HERC3: variants seen among roughly 807,000 people sequenced by gnomAD.
HERC3 encodes the protein HECT and RLD domain containing E3 ubiquitin protein ligase 3, also known as probable E3 ubiquitin-protein ligase HERC3.
A neutral mutation model predicts 129.9 loss-of-function variants in HERC3; 58 were observed. The observed-to-expected ratio is 0.45, with a 90% CI of 0.36 to 0.56. The LOEUF (loss-of-function observed/expected upper bound fraction) is 0.56. HERC3 is among the 20% of genes least tolerant of loss of function. The pLI is 0.00. For synonymous variants in HERC3, 430 were observed against 451.0 expected (o/e 0.95, Z 0.59); for missense variants, 835 against 1,244.2 (o/e 0.67, Z 4.95).
At chr4:88,680,982 T>C in intron 20 of HERC3, 177 bp from the exon 21 acceptor site, 14 of 979,550 alleles carry the variant, frequency 1.4e-5, no homozygotes, top group Non-Finnish European at 1.7e-5. Context: ...TCTGTCTACA[T>C]TGCATCTTTA....
chr4:88,538,658 C>T, the HERC3 span, among the ~76,000 whole-genome samples: 1 of 151,880 alleles, frequency 6.6e-6, no homozygotes, highest in African/African-American at 2.4e-5. Context: ...ATTCTCCTGC[C>T]TCAGCCTCCC....
chr4:88,577,156 G>A, the HERC3 span, among the ~76,000 whole-genome samples: 3 of 152,098 alleles, frequency 2.0e-5, no homozygotes, highest in African/African-American at 7.2e-5. Context: ...TCTAAGTTGT[G>A]GATTTGAGCT....
rs554226238 is a variant in HERC3, at chr4:88,626,405, G to C, written c.226+20356G>C. 3.1e-3 allele frequency among the ~76,000 whole-genome samples: 474 copies of C among 152,110 alleles called. 3 individuals carry two copies. Among genetic ancestry groups the C allele is most frequent in the African/African-American group, 0.011 (451 of 41,510 alleles). The stretch of plus-strand genomic sequence containing the variant: ...TTATTATTTCTTCCTTAAATGGCTG[G>C]TAGAGTCACTGTTGAAGCCATCTGG... On this transcript the variant is annotated intron_variant, in intron 3 of 25. Transcript: ENST00000402738.
At chr4:88,545,413 C>A in the HERC3 span, among the ~76,000 whole-genome samples, 1 of 134,944 alleles carries the variant, frequency 7.4e-6, no homozygotes. Context: ...TAAAGGAAAT[C>A]TTTCCTTTTG....
the HERC3 span, among the ~76,000 whole-genome samples, chr4:88,531,468 T>G: frequency 1.2e-4 from 18 of 152,272 alleles, no homozygotes; most frequent in Non-Finnish European, 8.8e-5. Context: ...CAAGAAAATA[T>G]CCAGATAAGC....
chr4:88,665,645 T>C (rs1730967469), intron 12 of HERC3, among the ~76,000 whole-genome samples: 1 of 152,180 alleles, frequency 6.6e-6, no homozygotes, highest in Non-Finnish European at 1.5e-5. Context: ...GCTATCTGGG[T>C]ATTCCTTAAT....
At chr4:88,605,275 A>ATT (rs541147348) in intron 2 of HERC3, among the ~76,000 whole-genome samples, 1 of 150,278 alleles carries the variant, frequency 6.7e-6, no homozygotes, top group Admixed American at 6.7e-5. Context: ...AGAAGATAAC[A>ATT]TTTTTTTTTT....
intron 6 of HERC3, 99 bp from the exon 7 acceptor site, chr4:88,653,943 G>A (rs959681276): frequency 4.8e-6 from 4 of 838,936 alleles, no homozygotes; most frequent in South Asian, 1.5e-5. Context: ...CTGAACATGC[G>A]TCAGGAATCC....
chr4:88,662,363 A>C (rs569618082), intron 10 of HERC3, 68 bp from the exon 11 acceptor site: 14 of 1,447,172 alleles, frequency 9.7e-6, no homozygotes, highest in Non-Finnish European at 1.3e-5. Flanking sequence ...AATATGTGGG[A>C]GAAAGGAGAG....
At chr4:88,625,500 A>T (rs1274922257) in intron 3 of HERC3, among the ~76,000 whole-genome samples, 1 of 152,150 alleles carries the variant, frequency 6.6e-6, no homozygotes, top group South Asian at 2.1e-4. Context: ...ATTTAGAAAT[A>T]TGATTGATTT....
chr4:88,697,132 C>A, intron 23 of HERC3: 1 of 1,392,514 alleles, frequency 7.2e-7, no homozygotes, highest in Middle Eastern at 1.9e-4. Flanking sequence ...CTTTTTAAGT[C>A]CATCGATATT....
At chr4:88,544,732 T>C in the HERC3 span, among the ~76,000 whole-genome samples, 1 of 152,188 alleles carries the variant, frequency 6.6e-6, no homozygotes, top group Non-Finnish European at 1.5e-5. Context: ...TGGAATACTA[T>C]GCAGCCATAA....
intron 3 of HERC3, among the ~76,000 whole-genome samples, chr4:88,638,005 C>T (rs1727621598): frequency 6.6e-6 from 1 of 152,158 alleles, no homozygotes; most frequent in Non-Finnish European, 1.5e-5. Flanking sequence ...TGGACAAATA[C>T]CTGGACACAT....
chr4:88,674,737 T>A (rs1020058599), intron 16 of HERC3, among the ~76,000 whole-genome samples: 1 of 152,180 alleles, frequency 6.6e-6, no homozygotes, highest in African/African-American at 2.4e-5. Flanking sequence ...TAATTGGATA[T>A]GTAGGCATGA....
the HERC3 span, among the ~76,000 whole-genome samples, chr4:88,538,545 C>CTTTT: frequency 7.7e-6 from 1 of 129,804 alleles, no homozygotes; most frequent in African/African-American, 3.0e-5. Context: ...CCAATTTCCT[C>CTTTT]TTTTTTTTTT....
chr4:88,693,688 G>A (rs963069529), intron 23 of HERC3: 26 of 984,508 alleles, frequency 2.6e-5, no homozygotes, highest in Non-Finnish European at 3.0e-5. Flanking sequence ...ATGTGTCTAT[G>A]TGTATGCATT....
chr4:88,697,424 CATT>C, intron 23 of HERC3: 1 of 1,614,086 alleles, frequency 6.2e-7, no homozygotes, highest in Non-Finnish European at 8.5e-7. Context: ...TTATAGATGT[CATT>C]ATACTTTTTT....
chr4:88,633,011 TA>T (rs1726947130), intron 3 of HERC3, among the ~76,000 whole-genome samples: 1 of 152,010 alleles, frequency 6.6e-6, no homozygotes, highest in Admixed American at 6.6e-5. Flanking sequence ...ACATTACATA[TA>T]AGGAAACAAT....
At chr4:88,704,028 G>A in intron 23 of HERC3, 70 bp from the exon 24 acceptor site, 1 of 1,365,498 alleles carries the variant, frequency 7.3e-7, no homozygotes, top group Non-Finnish European at 1.0e-6. Context: ...CCCAATCTCA[G>A]TGTAGAAGGG....
Sources: gnomAD v4.1 joint callset for allele counts (sites outside exome capture counted in the v4.1 genomes callset) on GRCh38, gnomAD v4.1.1 for gene constraint, MANE v1.5 for transcripts, NCBI Gene and HGNC (gene_info 2026-07-23, HGNC 2026-07-21) for gene names.